KLHL4: variants seen among roughly 807,000 people sequenced by gnomAD.
The protein encoded by KLHL4 is kelch-like protein 4.
KLHL4 carries 17 observed loss-of-function variants against 45.8 expected under a neutral mutation model. The observed-to-expected ratio is 0.37, with a 90% CI of 0.25 to 0.56. The LOEUF is 0.56. KLHL4 is among the 20% of genes least tolerant of loss of function. The probability of loss-of-function intolerance (pLI) is 0.79; values close to 1 mark genes in which losing one functional copy is unlikely to be tolerated. For missense variants in KLHL4, 544 were observed against 544.9 expected, an observed-to-expected ratio of 1.00 and a Z score of 0.02; for synonymous variants, 224 against 189.9, an observed-to-expected ratio of 1.18 and a Z score of -1.47.
intron 1 of KLHL4, among the ~76,000 whole-genome samples, chrX:87,598,480 T>C (rs1240159213): frequency 9.0e-6 from 1 of 111,556 alleles, no homozygotes; most frequent in Admixed American, 9.6e-5. Context: ...CAAATGGTCA[T>C]AGGTCTTTTT....
At chrX:87,580,715 T>C (rs1285761467) in intron 1 of KLHL4, among the ~76,000 whole-genome samples, 5 of 112,191 alleles carry the variant, frequency 4.5e-5, no homozygotes, top group African/African-American at 1.6e-4. Flanking sequence ...AGCATCTACA[T>C]ATATAAAATA....
chrX:87,627,556 G>A (rs746000004), intron 6 of KLHL4, among the ~76,000 whole-genome samples: 1 of 111,461 alleles, frequency 9.0e-6, no homozygotes, highest in East Asian at 2.8e-4. Flanking sequence ...GGAAATAACA[G>A]ATAACAATGT....
chrX:87,537,525 G>T (rs1356355779), intron 1 of KLHL4, among the ~76,000 whole-genome samples: 1 of 110,429 alleles, frequency 9.1e-6, no homozygotes, highest in South Asian at 3.8e-4. Flanking sequence ...TCGATATATA[G>T]ATGTAGATAC....
intron 6 of KLHL4, among the ~76,000 whole-genome samples, chrX:87,630,960 C>T (rs1240617486): frequency 9.0e-6 from 1 of 110,984 alleles, no homozygotes; most frequent in Non-Finnish European, 1.9e-5. Flanking sequence ...AATAGCTCTC[C>T]GCTACAGAGA....
intron 1 of KLHL4, among the ~76,000 whole-genome samples, chrX:87,577,831 A>C (rs1204763064): frequency 1.8e-5 from 2 of 111,335 alleles, no homozygotes; most frequent in African/African-American, 6.5e-5. Flanking sequence ...ATGTCTTTAT[A>C]TTTTCTTCTT....
At chrX:87,529,645 T>C (rs1459333979) in intron 1 of KLHL4, among the ~76,000 whole-genome samples, 1 of 111,463 alleles carries the variant, frequency 9.0e-6, no homozygotes, top group Admixed American at 9.6e-5. Context: ...AAAGAAAATG[T>C]TTGTTTCCAG....
intron 1 of KLHL4, among the ~76,000 whole-genome samples, chrX:87,559,639 A>C (rs1010403705): frequency 1.8e-5 from 2 of 111,745 alleles, no homozygotes; most frequent in Non-Finnish European, 3.8e-5. Flanking sequence ...TAAAAGTAAA[A>C]ATTCCCCGAA....
intron 1 of KLHL4, among the ~76,000 whole-genome samples, chrX:87,543,265 A>G (rs1203784465): frequency 9.0e-6 from 1 of 111,567 alleles, no homozygotes; most frequent in African/African-American, 3.3e-5. Context: ...TATATTTAAT[A>G]TTCAGTTTTG....
intron 1 of KLHL4, among the ~76,000 whole-genome samples, chrX:87,532,594 T>C (rs1365049305): frequency 9.7e-6 from 1 of 103,371 alleles, no homozygotes; most frequent in Non-Finnish European, 2.0e-5. Flanking sequence ...TTTGTTTGTA[T>C]CCTCTTTTAT....
chrX:87,517,950 G>T lies in KLHL4; in HGVS notation c.57G>T (p.Trp19Cys). 8.3e-7 allele frequency: 1 copy of T among 1,211,538 alleles called. No homozygotes were observed. The highest frequency in any genetic ancestry group is 1.1e-6 in the Non-Finnish European group (1 of 895,286). The stretch of plus-strand genomic sequence containing the variant: ...TGAAACAGATCCTAAGGCTACGCTG[G>T]AGGTGGTTTAGTCATCCTTTTCAAG... ...FDVKQILRLR[W>C]RWFSHPFQGS... The change falls in exon 1 of 11, where the codon TGG becomes TGT. Residue 19 changes from tryptophan to cysteine, a missense_variant. Physicochemically the swap from Trp to Cys is radical, Grantham distance 215. Transcript: ENST00000373119.
chrX:87,538,863 A>C (rs1931490132), intron 1 of KLHL4, among the ~76,000 whole-genome samples: 1 of 111,740 alleles, frequency 8.9e-6, no homozygotes, highest in Non-Finnish European at 1.9e-5. Flanking sequence ...ACTTAATCTT[A>C]TATTTGAATT....
chrX:87,664,654 G>A, intron 9 of KLHL4, 110 bp from the exon 10 acceptor site: 1 of 498,054 alleles, frequency 2.0e-6, no homozygotes, highest in Non-Finnish European at 3.3e-6. Flanking sequence ...TATTTGTATA[G>A]TGTTTTTAAT....
At chrX:87,597,624 T>C (rs1290233801) in intron 1 of KLHL4, among the ~76,000 whole-genome samples, 2 of 111,883 alleles carry the variant, frequency 1.8e-5, no homozygotes, top group African/African-American at 6.5e-5. Context: ...TAGTGGTTAC[T>C]TCAAAGCGAA....
intron 9 of KLHL4, among the ~76,000 whole-genome samples, chrX:87,661,387 A>G (rs780825697): frequency 9.0e-6 from 1 of 111,601 alleles, no homozygotes; most frequent in Non-Finnish European, 1.9e-5. Context: ...TTAAATAATC[A>G]TTTTTATTCC....
At chrX:87,541,219 G>C (rs1190271226) in intron 1 of KLHL4, among the ~76,000 whole-genome samples, 1 of 109,361 alleles carries the variant, frequency 9.1e-6, no homozygotes, top group African/African-American at 3.3e-5. Flanking sequence ...AGGCACGGTG[G>C]TTCACGACTG....
intron 1 of KLHL4, among the ~76,000 whole-genome samples, chrX:87,590,761 G>T (rs1921636921): frequency 8.9e-6 from 1 of 111,820 alleles, no homozygotes; most frequent in Non-Finnish European, 1.9e-5. Flanking sequence ...TGCAAAAAAT[G>T]ATGCTGAAAA....
intron 1 of KLHL4, among the ~76,000 whole-genome samples, chrX:87,533,055 C>G (rs1403571545): frequency 9.4e-6 from 1 of 106,294 alleles, no homozygotes; most frequent in Non-Finnish European, 1.9e-5. Flanking sequence ...CAGGAAACAA[C>G]AGGTGCTGGA....
intron 3 of KLHL4, among the ~76,000 whole-genome samples, chrX:87,615,217 G>C (rs1466202680): frequency 9.0e-6 from 1 of 111,024 alleles, no homozygotes; most frequent in East Asian, 2.8e-4. Context: ...ATTTTGAAAA[G>C]CGATATGCTC....
chrX:87,565,535 C>A (rs140495521), intron 1 of KLHL4, among the ~76,000 whole-genome samples: 1 of 109,607 alleles, frequency 9.1e-6, no homozygotes, highest in East Asian at 2.9e-4. Context: ...TGAGACCAGC[C>A]TGGCCAACAT....
Sources: gnomAD v4.1 joint callset for allele counts (sites outside exome capture counted in the v4.1 genomes callset) on GRCh38, gnomAD v4.1.1 for gene constraint, MANE v1.5 for transcripts, NCBI Gene and HGNC (gene_info 2026-07-23, HGNC 2026-07-21) for gene names.